The following TMTC1 variants were observed in gnomAD, a reference collection of about 807,000 sequenced individuals.
TMTC1 encodes the protein transmembrane O-mannosyltransferase targeting cadherins 1.
Under a neutral mutation model 104.8 loss-of-function variants are expected in TMTC1, and 73 were observed. The observed-to-expected ratio is 0.70, with a 90% CI of 0.58 to 0.85. TMTC1 has a LOEUF of 0.85. Among genes scored for constraint, TMTC1 ranks in the 40% least tolerant of loss-of-function variants. The pLI, the probability that TMTC1 is intolerant of heterozygous loss-of-function variation, is 0.00. For missense variants in TMTC1, 1,035 were observed against 1,096.1 expected (o/e 0.94, Z 0.79); for synonymous variants, 434 against 428.7 (o/e 1.01, Z -0.15).
At chr12:29,633,457 A>C in intron 5 of TMTC1, 121 bp from the exon 6 acceptor site, 2 of 792,534 alleles carry the variant, frequency 2.5e-6, no homozygotes, top group Non-Finnish European at 3.8e-6. Flanking sequence ...TTGGAGGAGA[A>C]GACAAGGGAA....
intron 11 of TMTC1, 182 bp downstream of exon 11, chr12:29,536,027 G>C: frequency 1.7e-6 from 1 of 581,680 alleles, no homozygotes; most frequent in Non-Finnish European, 3.0e-6. Context: ...AGCGACCTGT[G>C]ATACACAGAG....
At position 29,514,509 on chromosome 12, in the gene TMTC1, C is replaced by A. The variant is rs1426876376; in HGVS notation, c.2403G>T (p.Glu801Asp). The change falls in exon 16 of 18, where the codon GAG (glutamate) becomes GAT (aspartate). Residue 801 changes from glutamate (E) to aspartate (D), a missense_variant. Glu to Asp is a conservative substitution (Grantham distance 45). Transcript: ENST00000539277. ...LFFTKGNQLREQNLLDKAFES... is the reference protein window; with the variant it reads ...LFFTKGNQLRDQNLLDKAFES... ...CAAAAGCTTTGTCGAGAAGGTTCTG[C>A]TCTCTTAATTGGTTTCCTTTTGTGA... is the stretch of plus-strand genomic sequence containing the variant. 1 of 1,613,714 alleles carries A rather than the reference C, an allele frequency of 6.2e-7. No homozygotes were observed. Among genetic ancestry groups the A allele is most frequent in the Non-Finnish European group, 8.5e-7 (1 of 1,179,944 alleles).
chr12:29,694,953 A>T (rs549022119), intron 5 of TMTC1, among the ~76,000 whole-genome samples: 3 of 152,082 alleles, frequency 2.0e-5, no homozygotes, highest in Non-Finnish European at 2.9e-5. Flanking sequence ...AAAACAAAAC[A>T]AAACAAAACA....
At chr12:29,690,586 A>G (rs1019453143) in intron 5 of TMTC1, among the ~76,000 whole-genome samples, 1 of 152,184 alleles carries the variant, frequency 6.6e-6, no homozygotes, top group African/African-American at 2.4e-5. Context: ...CAAAAGATCT[A>G]ACACTCATTT....
At chr12:29,614,402 G>C (rs1231264029) in intron 6 of TMTC1, among the ~76,000 whole-genome samples, 1 of 151,942 alleles carries the variant, frequency 6.6e-6, no homozygotes, top group Non-Finnish European at 1.5e-5. Flanking sequence ...TGGTTAAAAG[G>C]CTCTTTACAC....
intron 6 of TMTC1, among the ~76,000 whole-genome samples, chr12:29,604,890 A>AT (rs948567062): frequency 1.3e-5 from 2 of 152,148 alleles, no homozygotes; most frequent in Non-Finnish European, 2.9e-5. Context: ...TACTCCATTG[A>AT]TTTTTTGAAT....
chr12:29,523,599 C>T (rs765483155), intron 11 of TMTC1, among the ~76,000 whole-genome samples: 3 of 152,128 alleles, frequency 2.0e-5, no homozygotes, highest in Non-Finnish European at 4.4e-5. Flanking sequence ...GAGAGGTGAA[C>T]CAAAACTGTA....
At chr12:29,622,256 C>A (rs1937712800) in intron 6 of TMTC1, among the ~76,000 whole-genome samples, 1 of 152,130 alleles carries the variant, frequency 6.6e-6, no homozygotes, top group South Asian at 2.1e-4. Flanking sequence ...ACCTTAAAAT[C>A]TCAAGACACT....
chr12:29,647,363 G>A (rs897368313), intron 5 of TMTC1, among the ~76,000 whole-genome samples: 1 of 152,120 alleles, frequency 6.6e-6, no homozygotes, highest in African/African-American at 2.4e-5. Context: ...TGTTTCGAAG[G>A]CTTTGTTAGT....
At chr12:29,603,539 G>A (rs1946621621) in intron 7 of TMTC1, among the ~76,000 whole-genome samples, 1 of 152,038 alleles carries the variant, frequency 6.6e-6, no homozygotes, top group South Asian at 2.1e-4. Context: ...ACCAAGACTT[G>A]GTTTCCTGAT....
chr12:29,627,401 A>G (rs1591824835), intron 6 of TMTC1, among the ~76,000 whole-genome samples: 1 of 152,302 alleles, frequency 6.6e-6, no homozygotes, highest in East Asian at 1.9e-4. Context: ...CACAACCACA[A>G]TAAGTCACCT....
chr12:29,511,999 CAG>C (rs1161004462), intron 17 of TMTC1, 42 bp downstream of exon 17: 2 of 1,554,158 alleles, frequency 1.3e-6, no homozygotes, highest in Admixed American at 1.7e-5. Flanking sequence ...AGAGAAAACA[CAG>C]GGGGAAAGCC....
rs78794354 is a variant in TMTC1 at position 29,570,134 on chromosome 12, T to A, written c.1532+1971A>T. On this transcript the variant is annotated intron_variant, in intron 9 of 17. Transcript: ENST00000539277. ...CCATGTAAGTTTCAGGCAAACTTAC[T>A]GCCCTTTTTCTCCCTTCAAGAATGC... Among the ~76,000 whole-genome samples the A allele has an allele frequency of 4.3e-3, 655 of 151,888 alleles. 5 individuals carry two copies. The highest frequency in any genetic ancestry group is 0.011 in the Admixed American group (162 of 15,258).
chr12:29,654,270 A>C (rs1939653382), intron 5 of TMTC1, among the ~76,000 whole-genome samples: 1 of 152,238 alleles, frequency 6.6e-6, no homozygotes, highest in South Asian at 2.1e-4. Flanking sequence ...CAACCCAATT[A>C]AAAAGTGAAC....
chr12:29,669,874 C>A (rs957219476), intron 5 of TMTC1, among the ~76,000 whole-genome samples: 1 of 152,120 alleles, frequency 6.6e-6, no homozygotes, highest in African/African-American at 2.4e-5. Flanking sequence ...ATGAAGTGGG[C>A]AGAACAGAGA....
intron 4 of TMTC1, among the ~76,000 whole-genome samples, chr12:29,755,414 C>A (rs1303999314): frequency 6.6e-6 from 1 of 152,180 alleles, no homozygotes; most frequent in Non-Finnish European, 1.5e-5. Context: ...CAGCAGCATG[C>A]AACCAAAACA....
At chr12:29,561,154 C>T (rs1379537621) in intron 9 of TMTC1, among the ~76,000 whole-genome samples, 1 of 151,210 alleles carries the variant, frequency 6.6e-6, no homozygotes. Context: ...CATTGCACTC[C>T]AGCCCAGGAG....
chr12:29,636,121 A>C (rs1484242517), intron 5 of TMTC1, among the ~76,000 whole-genome samples: 1 of 152,242 alleles, frequency 6.6e-6, no homozygotes, highest in Admixed American at 6.5e-5. Context: ...ATATGAAATA[A>C]GATGATGTCT....
chr12:29,664,127 C>A (rs1406818602), intron 5 of TMTC1, among the ~76,000 whole-genome samples: 1 of 149,860 alleles, frequency 6.7e-6, no homozygotes. Flanking sequence ...GCGGAGCTTG[C>A]AGTGAGCCGA....
Sources: allele counts gnomAD v4.1 joint callset (sites outside exome capture counted in the v4.1 genomes callset), GRCh38; gene constraint gnomAD v4.1.1; transcripts MANE v1.5; gene names NCBI Gene and HGNC (gene_info 2026-07-23, HGNC 2026-07-21).